The following YJU2B variants were observed in gnomAD, a reference collection of about 807,000 sequenced individuals.
YJU2B encodes probable splicing factor YJU2B.
In YJU2B, 18 loss-of-function variants were observed where a neutral mutation model predicts 38.0. The observed-to-expected ratio is 0.47, with a 90% CI of 0.33 to 0.70. The LOEUF (loss-of-function observed/expected upper bound fraction) is 0.70, where lower values mean the gene tolerates loss of function less well. Ranked by LOEUF, YJU2B falls within the 30% of genes least tolerant of loss-of-function variation. YJU2B has a pLI of 0.02. For synonymous variants in YJU2B, 246 were observed against 225.4 expected (o/e 1.09, Z -0.82); for missense variants, 538 against 556.3 (o/e 0.97, Z 0.33).
intron 2 of YJU2B, among the ~76,000 whole-genome samples, chr19:13,739,255 C>A (rs1282854334): frequency 6.6e-6 from 1 of 152,054 alleles, no homozygotes; most frequent in East Asian, 1.9e-4. Context: ...AAGCAATCCT[C>A]CTGCCTCAGC....
chr19:13,752,718 T>G (rs1365562348), intron 2 of YJU2B, among the ~76,000 whole-genome samples: 1 of 151,860 alleles, frequency 6.6e-6, no homozygotes, highest in Non-Finnish European at 1.5e-5. Flanking sequence ...CACTCCAGCC[T>G]GGGCAACGAA....
chr19:13,734,145 C>T (rs546203425), intron 2 of YJU2B, among the ~76,000 whole-genome samples: 1 of 152,236 alleles, frequency 6.6e-6, no homozygotes, highest in East Asian at 1.9e-4. Flanking sequence ...CCAGGCTAGT[C>T]TCAAACTCTT....
At chr19:13,757,503 C>A in intron 5 of YJU2B, 30 bp downstream of exon 5, 1 of 1,599,182 alleles carries the variant, frequency 6.3e-7, no homozygotes, top group Non-Finnish European at 8.6e-7. Context: ...CCATTCAGTC[C>A]TGCAAACATC....
chr19:13,733,846 G>C (rs1385071395), intron 2 of YJU2B, among the ~76,000 whole-genome samples: 1 of 152,152 alleles, frequency 6.6e-6, no homozygotes, highest in African/African-American at 2.4e-5. Flanking sequence ...AGAAACACTG[G>C]CCATGAGCCA....
intron 2 of YJU2B, among the ~76,000 whole-genome samples, chr19:13,734,196 G>A (rs928719963): frequency 1.3e-5 from 2 of 152,114 alleles, no homozygotes; most frequent in Non-Finnish European, 2.9e-5. Flanking sequence ...CCAAATTGTT[G>A]AGATTACAGG....
intron 2 of YJU2B, among the ~76,000 whole-genome samples, chr19:13,754,084 A>AT (rs1465481705): frequency 1.3e-5 from 2 of 152,192 alleles, no homozygotes; most frequent in Non-Finnish European, 2.9e-5. Flanking sequence ...AGGCAGGAGA[A>AT]TCGCCTGAAC....
At chr19:13,749,126 C>G in intron 1 of YJU2B, among the ~76,000 whole-genome samples, 1 of 152,354 alleles carries the variant, frequency 6.6e-6, no homozygotes, top group African/African-American at 2.4e-5. Flanking sequence ...GCCTCAGCCT[C>G]TCCAGTAGCT....
upstream of YJU2B, among the ~76,000 whole-genome samples, chr19:13,744,186 CA>C (rs561659940): frequency 3.9e-4 from 53 of 137,080 alleles, no homozygotes; most frequent in African/African-American, 5.9e-4. Flanking sequence ...GACTTAGTCT[CA>C]AAAAAAAAAA....
intron 1 of YJU2B, chr19:13,732,062 G>A (rs1337243378): frequency 2.0e-5 from 3 of 152,296 alleles, no homozygotes; most frequent in Admixed American, 6.5e-5. Context: ...AGAGAGCTCA[G>A]AAGAGGGTAG....
At chr19:13,743,597 G>T (rs867275561), upstream of YJU2B, among the ~76,000 whole-genome samples, 1 of 136,796 alleles carries the variant, frequency 7.3e-6, no homozygotes, top group Non-Finnish European at 1.6e-5. Context: ...AAAAGAAAAA[G>T]AAAAAAATAG....
At chr19:13,733,476 C>A (rs941532787) in intron 2 of YJU2B, among the ~76,000 whole-genome samples, 4 of 151,724 alleles carry the variant, frequency 2.6e-5, no homozygotes, top group African/African-American at 9.7e-5. Context: ...AATCCCAGCA[C>A]TTTGGGAGGC....
chr19:13,757,838 G>C lies in YJU2B; in HGVS notation c.249G>C (p.Pro83=), dbSNP rs200375691. 42 of 1,613,930 alleles carry C rather than the reference G, an allele frequency of 2.6e-5. No homozygotes were observed. In the Middle Eastern group the frequency reaches 9.9e-4, roughly 38 times the overall value. ...KKKVGNYYTT[P]IYRFRMKCHL... is the part of the protein sequence containing the mutation. The stretch of plus-strand genomic sequence containing the variant: ...AGGTGGGCAATTACTACACAACCCC[G>C]ATCTACAGGTAAGGGCGGCTTGGTG... Residue 83 remains proline (P), a synonymous_variant, in exon 6 of 10, where the codon CCG becomes CCC. Coordinates refer to ENST00000221554, the MANE Select transcript of YJU2B (RefSeq NM_030818.4).
chr19:13,762,642 G>GTTCC lies in YJU2B; in HGVS notation c.766_769dup (p.Pro257LeufsTer87). The stretch of plus-strand genomic sequence containing the variant: ...GGACCGAGATCATCAGCCGCTCCTG[G>GTTCC]TTCCCCTCTGCCCCCGGATCCGCCT... On this transcript the variant is annotated frameshift_variant, in exon 10 of 10. Transcript: ENST00000221554. LOFTEE classifies it low-confidence loss of function (END_TRUNC). 1 of 1,544,900 alleles carries GTTCC rather than the reference G, an allele frequency of 6.5e-7. No individual in the cohort carries two copies. The highest frequency in any genetic ancestry group is 8.7e-7 in the Non-Finnish European group (1 of 1,153,554).
At position 13,763,232 on chromosome 19, in the gene YJU2B, G is replaced by T. The variant is rs1166180502; in HGVS notation, c.*164G>T. On this transcript the variant is annotated 3_prime_UTR_variant, in exon 10 of 10. Coordinates refer to ENST00000221554, the MANE Select transcript of YJU2B (RefSeq NM_030818.4). ...CTGCAACCGTGGAGTTATTTATTTG[G>T]TCCTGGTGAGGGTGTTTGTGCCTTG... is the stretch of plus-strand genomic sequence containing the variant. 5 of 578,352 alleles carry T rather than the reference G, an allele frequency of 8.6e-6. No individual in the cohort carries two copies. The highest frequency in any genetic ancestry group is 1.9e-5 in the African/African-American group (1 of 53,118). 35.8% of individuals were successfully genotyped at this position (578,352 alleles called of 1,614,324 possible).
Position 13,757,411 on chromosome 19 carries a change from T to C in YJU2B, c.141-7T>C, listed in dbSNP as rs537187967. 2.5e-6 allele frequency: 4 copies of C among 1,613,700 alleles called. No individual in the cohort carries two copies. The highest frequency in any genetic ancestry group is 1.3e-5 in the African/African-American group (1 of 75,038). On this transcript the variant is annotated splice_polypyrimidine_tract_variant and splice_region_variant and intron_variant, in intron 4 of 9. Coordinates refer to ENST00000221554, the MANE Select transcript of YJU2B (RefSeq NM_030818.4). ...AAGTGCAAGTAAGATGCTGTCTGTC[T>C]TTGCAGATTCGAAATGCCATATAAC... is the stretch of plus-strand genomic sequence containing the variant.
chr19:13,736,776 C>A (rs4926312), intron 2 of YJU2B, among the ~76,000 whole-genome samples: 94,886 of 151,480 alleles, frequency 0.63, 30,015 homozygotes, highest in Middle Eastern at 0.73. Flanking sequence ...TCACGCCTGT[C>A]GTCCCAGCAC....
intron 8 of YJU2B, among the ~76,000 whole-genome samples, chr19:13,761,044 C>T (rs73009852): frequency 0.41 from 61,697 of 151,840 alleles, 12,823 homozygotes; most frequent in East Asian, 0.61. Flanking sequence ...GCTAGGATTA[C>T]AGGCGTGAGC....
chr19:13,742,396 G>A (rs761644232), intron 2 of YJU2B, among the ~76,000 whole-genome samples: 9 of 144,342 alleles, frequency 6.2e-5, no homozygotes, highest in Non-Finnish European at 8.9e-5. Flanking sequence ...TCCGCCTCCC[G>A]GGTTCAAGCG....
intron 2 of YJU2B, among the ~76,000 whole-genome samples, chr19:13,741,738 CAAACAAAACA>C (rs550984868): frequency 2.0e-5 from 3 of 149,700 alleles, no homozygotes; most frequent in Non-Finnish European, 4.4e-5. Context: ...CAAACCAAAC[CAAACAAAACA>C]AAACAAAACA....
Sources: allele counts gnomAD v4.1 joint callset (sites outside exome capture counted in the v4.1 genomes callset), GRCh38; gene constraint gnomAD v4.1.1; transcripts MANE v1.5; gene names NCBI Gene and HGNC (gene_info 2026-07-23, HGNC 2026-07-21).